PTPRA: variants seen among roughly 807,000 people sequenced by gnomAD.
PTPRA encodes the protein protein tyrosine phosphatase receptor type A.
In PTPRA, 25 loss-of-function variants were observed where a neutral mutation model predicts 104.8. The observed-to-expected ratio is 0.24, with a 90% confidence interval of 0.17 to 0.33. The LOEUF is 0.33. Among genes scored for constraint, PTPRA ranks in the 10% least tolerant of loss-of-function variants. The pLI is 1.00. For synonymous variants in PTPRA, 323 were observed against 368.9 expected (o/e 0.88, Z 1.43); for missense variants, 765 against 1,015.3 (o/e 0.75, Z 3.35).
At chr20:2,989,828 T>A (rs376241685) in intron 9 of PTPRA, among the ~76,000 whole-genome samples, 38 of 152,142 alleles carry the variant, frequency 2.5e-4, no homozygotes, top group South Asian at 4.1e-4. Flanking sequence ...CCATCCTGGC[T>A]AACACAGTGA....
chr20:2,955,631 T>C, intron 3 of PTPRA: 1 of 985,296 alleles, frequency 1.0e-6, no homozygotes, highest in Non-Finnish European at 1.2e-6. Context: ...AGCTTGCCAG[T>C]TTTTCAAGCT....
chr20:2,896,292 T>C (rs1621041), intron 1 of PTPRA, among the ~76,000 whole-genome samples: 28,167 of 152,026 alleles, frequency 0.19, 3,878 homozygotes, highest in African/African-American at 0.39. Context: ...GGCAGGAGAA[T>C]CGCTTGAACC....
Position 3,032,963 on chromosome 20 carries a change from C to T in PTPRA, c.1921-2622C>T, listed in dbSNP as rs2065578413. On this transcript the variant is annotated intron_variant, in intron 20 of 23. Coordinates refer to ENST00000399903, the MANE Select transcript of PTPRA (RefSeq NM_001385305.1). The stretch of plus-strand genomic sequence containing the variant: ...CATTTGAAAGAGTCAGTACCTCCCT[C>T]CTCTTCCTCAGAACACTTACTTCCG... 2.0e-5 allele frequency among the ~76,000 whole-genome samples: 3 copies of T among 151,610 alleles called. No individual in the cohort carries two copies. In the South Asian group the frequency reaches 6.2e-4, roughly 32 times the overall value.
At chr20:2,896,240 A>G (rs997418109) in intron 1 of PTPRA, among the ~76,000 whole-genome samples, 1 of 151,998 alleles carries the variant, frequency 6.6e-6, no homozygotes. Context: ...TTAGCCGGGC[A>G]TGGTGGTGGG....
chr20:2,975,154 T>C, intron 5 of PTPRA, 61 bp from the exon 6 acceptor site: 1 of 1,413,272 alleles, frequency 7.1e-7, no homozygotes, highest in Non-Finnish European at 9.8e-7. Flanking sequence ...TGTACTCTAA[T>C]TGAATTGTAA....
intron 2 of PTPRA, among the ~76,000 whole-genome samples, chr20:2,928,808 A>G (rs938419574): frequency 5.5e-5 from 8 of 144,384 alleles, no homozygotes; most frequent in Non-Finnish European, 1.1e-4. Context: ...TCATAACTTT[A>G]TCTCCTAATC....
intron 11 of PTPRA, among the ~76,000 whole-genome samples, chr20:3,007,927 T>C (rs2063954011): frequency 6.6e-6 from 1 of 152,096 alleles, no homozygotes; most frequent in Non-Finnish European, 1.5e-5. Flanking sequence ...TTTTTAAAGA[T>C]GATTTAGAGA....
intron 2 of PTPRA, among the ~76,000 whole-genome samples, chr20:2,943,938 A>T (rs2061024627): frequency 6.6e-6 from 1 of 152,016 alleles, no homozygotes; most frequent in Non-Finnish European, 1.5e-5. Context: ...CTAGCAAAAC[A>T]TCCCCAAATT....
At chr20:3,014,530 G>C (rs2064341174) in intron 11 of PTPRA, among the ~76,000 whole-genome samples, 1 of 152,124 alleles carries the variant, frequency 6.6e-6, no homozygotes, top group African/African-American at 2.4e-5. Flanking sequence ...TGTGATCCCA[G>C]CTCCTTGGGA....
intron 19 of PTPRA, 91 bp from the exon 20 acceptor site, chr20:3,027,616 C>A: frequency 6.7e-7 from 1 of 1,493,690 alleles, no homozygotes. Flanking sequence ...TGCCTCCGAG[C>A]AGTCCCCATT....
At chr20:2,979,990 G>A (rs1025534176) in intron 6 of PTPRA, among the ~76,000 whole-genome samples, 2 of 151,998 alleles carry the variant, frequency 1.3e-5, no homozygotes, top group African/African-American at 2.4e-5. Flanking sequence ...TCGGTTCACC[G>A]CAACCTCTGC....
intron 20 of PTPRA, among the ~76,000 whole-genome samples, chr20:3,034,375 T>G (rs1321246344): frequency 6.6e-6 from 1 of 152,066 alleles, no homozygotes; most frequent in East Asian, 1.9e-4. Context: ...ACACACACAC[T>G]GTGGCTCACA....
At chr20:2,910,285 TATA>T (rs1355432138) in intron 1 of PTPRA, among the ~76,000 whole-genome samples, 3 of 132,330 alleles carry the variant, frequency 2.3e-5, no homozygotes, top group Non-Finnish European at 1.5e-5. Flanking sequence ...ATGCATTATA[TATA>T]ATATGTATTA....
chr20:2,988,956 G>A (rs1463028117), intron 9 of PTPRA, among the ~76,000 whole-genome samples: 2 of 152,202 alleles, frequency 1.3e-5, no homozygotes, highest in East Asian at 1.9e-4. Context: ...CTAGAGCAGG[G>A]GTGTCAGTGT....
intron 9 of PTPRA, 39 bp from the exon 10 acceptor site, chr20:3,005,017 C>T (rs775402491): frequency 3.1e-5 from 47 of 1,513,396 alleles, no homozygotes; most frequent in Non-Finnish European, 4.2e-5. Flanking sequence ...TGATGTTTAT[C>T]CCTGCTAATA....
intron 13 of PTPRA, among the ~76,000 whole-genome samples, chr20:3,018,338 G>A (rs1278763412): frequency 6.6e-6 from 1 of 151,988 alleles, no homozygotes. Flanking sequence ...AGTGAACAAA[G>A]GTCTCTGGTT....
upstream of PTPRA, among the ~76,000 whole-genome samples, chr20:2,869,481 A>G (rs867072213): frequency 3.3e-5 from 5 of 152,206 alleles, no homozygotes; most frequent in African/African-American, 4.8e-5. Flanking sequence ...TGCTTACTCA[A>G]TTGAAATTAG....
chr20:3,017,395 C>T (rs1006172721), intron 12 of PTPRA, among the ~76,000 whole-genome samples: 3 of 152,150 alleles, frequency 2.0e-5, no homozygotes, highest in Non-Finnish European at 4.4e-5. Context: ...ATTTTGAATT[C>T]TAGCCTGAAC....
At chr20:3,030,100 C>T (rs1471252043) in intron 20 of PTPRA, among the ~76,000 whole-genome samples, 1 of 152,152 alleles carries the variant, frequency 6.6e-6, no homozygotes, top group Non-Finnish European at 1.5e-5. Context: ...GAGCTGGAAC[C>T]ACGAGCACAA....
Sources: allele counts gnomAD v4.1 joint callset (sites outside exome capture counted in the v4.1 genomes callset), GRCh38; gene constraint gnomAD v4.1.1; transcripts MANE v1.5; gene names NCBI Gene and HGNC (gene_info 2026-07-23, HGNC 2026-07-21).